The following AIFM1 variants were observed in gnomAD, a reference collection of about 807,000 sequenced individuals.
The protein encoded by AIFM1 is apoptosis-inducing factor 1, mitochondrial.
Under a neutral mutation model 51.7 loss-of-function variants are expected in AIFM1, and 3 were observed. The observed-to-expected ratio is 0.06, with a 90% CI of 0.03 to 0.15. The LOEUF (loss-of-function observed/expected upper bound fraction) is 0.15, where lower values mean the gene tolerates loss of function less well. Among genes scored for constraint, AIFM1 ranks in the 10% least tolerant of loss-of-function variants. The probability of loss-of-function intolerance (pLI) is 1.00; values close to 1 mark genes in which losing one functional copy is unlikely to be tolerated. For synonymous variants in AIFM1, 178 were observed against 179.4 expected (o/e 0.99, Z 0.06); for missense variants, 330 against 476.8 (o/e 0.69, Z 2.87).
chrX:130,133,197 T>C (rs1410688037), intron 13 of AIFM1, 116 bp downstream of exon 13: 3 of 991,917 alleles, frequency 3.0e-6, no homozygotes, highest in Non-Finnish European at 4.3e-6. Context: ...GATGGACTTT[T>C]TTCCCTTCTG....
chrX:130,144,597 G>A (rs1444424559), intron 6 of AIFM1, among the ~76,000 whole-genome samples: 5 of 111,180 alleles, frequency 4.5e-5, no homozygotes, highest in African/African-American at 1.6e-4. Context: ...CCATAAGATT[G>A]CCCATTCTGT....
At chrX:130,149,621 TGTAA>T in intron 2 of AIFM1, 53 bp from the exon 3 acceptor site, 1 of 857,280 alleles carries the variant, frequency 1.2e-6, no homozygotes, top group Non-Finnish European at 1.7e-6. Flanking sequence ...TAGCTCATAC[TGTAA>T]GTAATATTAT....
At chrX:130,165,346 G>C (rs1345079409) in intron 1 of AIFM1, among the ~76,000 whole-genome samples, 2 of 112,292 alleles carry the variant, frequency 1.8e-5, no homozygotes, top group Non-Finnish European at 3.8e-5. Context: ...CGACTACTGG[G>C]TTCAAATCTC....
intron 10 of AIFM1, 50 bp from the exon 11 acceptor site, chrX:130,136,781 C>T (rs752163176): frequency 5.9e-5 from 68 of 1,154,846 alleles, no homozygotes; most frequent in Non-Finnish European, 7.0e-5. Context: ...CTATCACTTT[C>T]ATGGGAAGTA....
At position 130,140,412 on chromosome X, in the gene AIFM1, C is replaced by T. The variant is rs768397095; in HGVS notation, c.781+121G>A. The T allele has an allele frequency of 3.6e-4, 217 of 606,245 alleles. 4 individuals carry two copies. In the South Asian group the frequency reaches 4.8e-3, roughly 13 times the overall value. 50.0% of individuals were successfully genotyped at this position (606,245 alleles called of 1,213,427 possible). A position where few individuals can be genotyped will look rare whatever the true frequency, so the allele number is the denominator to read the frequency against. On this transcript the variant is annotated intron_variant, in intron 7 of 15. Coordinates refer to ENST00000287295, the MANE Select transcript of AIFM1 (RefSeq NM_004208.4). ...CCAGCTTTTGTACCAAGAGAAGACACTCACTTCAGAGAGTCTGGGTTTCCA... is the reference window on the plus strand; with the variant it reads ...CCAGCTTTTGTACCAAGAGAAGACATTCACTTCAGAGAGTCTGGGTTTCCA...
chrX:130,133,907 C>T (rs1486234488), intron 12 of AIFM1, among the ~76,000 whole-genome samples: 1 of 109,768 alleles, frequency 9.1e-6, no homozygotes, highest in Non-Finnish European at 1.9e-5. Context: ...GCTGGGATTA[C>T]AGGCATGAGT....
At chrX:130,153,347 C>T (rs1480619839) in intron 2 of AIFM1, among the ~76,000 whole-genome samples, 1 of 73,500 alleles carries the variant, frequency 1.4e-5, no homozygotes, top group Non-Finnish European at 2.5e-5. Flanking sequence ...AGAGAGACTC[C>T]GTTTCAAAAA....
intron 1 of AIFM1, among the ~76,000 whole-genome samples, 187 bp from the exon 2 acceptor site, chrX:130,156,790 T>C (rs952737515): frequency 5.3e-5 from 6 of 112,159 alleles, no homozygotes; most frequent in Non-Finnish European, 1.1e-4. Context: ...CGCTCTTAAG[T>C]TGCTGAAGTT....
intron 1 of AIFM1, among the ~76,000 whole-genome samples, chrX:130,161,243 T>A (rs1313380332): frequency 9.0e-6 from 1 of 111,024 alleles, no homozygotes; most frequent in Non-Finnish European, 1.9e-5. Flanking sequence ...CCAGGTGCGG[T>A]GGCTCACACT....
At chrX:130,146,678 T>A (rs994925980) in intron 5 of AIFM1, among the ~76,000 whole-genome samples, 10 of 110,967 alleles carry the variant, frequency 9.0e-5, no homozygotes, top group African/African-American at 3.3e-4. Flanking sequence ...GAGATCTAAG[T>A]TGTCCATCAA....
At chrX:130,148,278 T>C (rs2124665047) in intron 3 of AIFM1, among the ~76,000 whole-genome samples, 1 of 111,087 alleles carries the variant, frequency 9.0e-6, no homozygotes, top group Non-Finnish European at 1.9e-5. Flanking sequence ...AGGGAGAAAA[T>C]CCAGGAGGTC....
chrX:130,158,830 G>C (rs1376886146), intron 1 of AIFM1, among the ~76,000 whole-genome samples: 3 of 110,377 alleles, frequency 2.7e-5, no homozygotes, highest in Non-Finnish European at 5.7e-5. Context: ...TTATGTCCCT[G>C]TCCTGTCTAG....
intron 14 of AIFM1, among the ~76,000 whole-genome samples, chrX:130,130,833 G>A (rs895648870): frequency 8.9e-6 from 1 of 112,072 alleles, no homozygotes; most frequent in African/African-American, 3.2e-5. Context: ...TAGGAAGGGG[G>A]CACCTTGCTG....
Position 130,136,028 on chromosome X carries a change from T to C in AIFM1, c.1305+17A>G, listed in dbSNP as rs895181952. 4 of 1,209,867 alleles carry C rather than the reference T, an allele frequency of 3.3e-6. No homozygotes were observed. The African/African-American group carries it at 7.0e-5, about 21-fold the overall frequency. ...AGGGAGAATGAATTATGCCTGGTCA[T>C]GCTGTAGCACACTTACCACCCAGAT... is the stretch of plus-strand genomic sequence containing the variant. On this transcript the variant is annotated intron_variant, in intron 12 of 15. Coordinates refer to ENST00000287295, the MANE Select transcript of AIFM1 (RefSeq NM_004208.4).
In AIFM1 at chrX:130,145,516, A is replaced by G. The variant is rs758085497; in HGVS notation, c.659T>C (p.Ile220Thr). Residue 220 changes from isoleucine (I) to threonine (T), a missense_variant, in exon 6 of 16, where the codon ATT becomes ACT. Around this residue, in one of 4 missense-constraint regions of AIFM1, gnomAD observed 152 missense variants for 292.8 expected, o/e 0.52. Coordinates refer to ENST00000287295, the MANE Select transcript of AIFM1 (RefSeq NM_004208.4). ...FYVSAQDLPH[I>T]ENGGVAVLTG... ...GAGGACAGCCACACCACCATTCTCA[A>G]TATGAGGCAGGTCCTGAGCAGAGAC... 3.3e-6 allele frequency: 4 copies of G among 1,208,541 alleles called. No individual in the cohort carries two copies. In the East Asian group the frequency reaches 8.9e-5, roughly 27 times the overall value.
Position 130,156,581 on chromosome X carries a change from A to G in AIFM1, c.129T>C (p.His43=). 1 of 1,212,013 alleles carries G rather than the reference A, an allele frequency of 8.3e-7. No homozygotes were observed. Residue 43 remains histidine, a synonymous_variant, in exon 2 of 16, where the codon CAT becomes CAC. Transcript: ENST00000287295. ...TTGTCATCTGGAGTTCTAGAGGAAC[A>G]TGCCATCGCTGGAACAAGTTGCCTA... ...RLPGNLFQRW[H]VPLELQMTRQ...
rs750098055 is a variant in AIFM1, at chrX:130,149,556, T to C, written c.262A>G (p.Met88Val). The C allele has an allele frequency of 5.3e-5, 63 of 1,198,082 alleles. No homozygotes were observed. In the East Asian group the frequency reaches 1.7e-3, roughly 33 times the overall value. Residue 88 changes from methionine to valine, a missense_variant, in exon 3 of 16, where the codon ATG becomes GTG. Met to Val is a conservative substitution (Grantham distance 21). Coordinates refer to ENST00000287295, the MANE Select transcript of AIFM1 (RefSeq NM_004208.4). Reference protein sequence around the residue: ...VGAGAYAYKTMKEDEKRYNER... With the variant: ...VGAGAYAYKTVKEDEKRYNER... The stretch of plus-strand genomic sequence containing the variant: ...TTGTATCTTTTTTCATCCTCTTTCA[T>C]AGTCTTGTAGGCCTGCGGATCCAAA...
chrX:130,155,624 A>G (rs2031138428), intron 2 of AIFM1, among the ~76,000 whole-genome samples: 1 of 112,119 alleles, frequency 8.9e-6, no homozygotes, highest in South Asian at 3.7e-4. Context: ...AGGAACAAAG[A>G]TAAATTCATT....
At chrX:130,139,372 A>G (rs2030495201) in intron 8 of AIFM1, among the ~76,000 whole-genome samples, 1 of 110,966 alleles carries the variant, frequency 9.0e-6, no homozygotes, top group Non-Finnish European at 1.9e-5. Context: ...TCCCTGAAAA[A>G]TGACAGCAGT....
Sources: allele counts gnomAD v4.1 joint callset (sites outside exome capture counted in the v4.1 genomes callset), GRCh38; gene constraint gnomAD v4.1.1; regional missense constraint gnomAD v4.1.1; transcripts MANE v1.5; gene names NCBI Gene and HGNC (gene_info 2026-07-23, HGNC 2026-07-21).